MAGI2: variants seen among roughly 807,000 people sequenced by gnomAD.
MAGI2 encodes the protein membrane associated guanylate kinase, WW and PDZ domain containing 2.
A neutral mutation model predicts 133.3 loss-of-function variants in MAGI2; 35 were observed. The observed-to-expected ratio is 0.26, with a 90% CI of 0.20 to 0.35. The LOEUF is 0.35. Ranked by LOEUF, MAGI2 falls within the 10% of genes least tolerant of loss-of-function variation. The pLI, the probability that MAGI2 is intolerant of heterozygous loss-of-function variation, is 1.00. For missense variants in MAGI2, 1,636 were observed against 1,863.4 expected (o/e 0.88, Z 2.25); for synonymous variants, 729 against 710.6 (o/e 1.03, Z -0.41).
At chr7:78,163,311 T>C (rs1048203126) in intron 15 of MAGI2, among the ~76,000 whole-genome samples, 2 of 152,078 alleles carry the variant, frequency 1.3e-5, no homozygotes, top group African/African-American at 4.8e-5. Flanking sequence ...CTAATTTGTT[T>C]TGTACTTTTA....
chr7:79,244,251 T>A (rs1832651493), intron 1 of MAGI2, among the ~76,000 whole-genome samples: 1 of 152,152 alleles, frequency 6.6e-6, no homozygotes, highest in Non-Finnish European at 1.5e-5. Context: ...AACACCAAAT[T>A]GAACAACTAT....
At chr7:78,415,954 C>A (rs1798259031) in intron 6 of MAGI2, among the ~76,000 whole-genome samples, 1 of 152,032 alleles carries the variant, frequency 6.6e-6, no homozygotes, top group South Asian at 2.1e-4. Context: ...ATAGAAATTT[C>A]TGGGAGGCAA....
chr7:78,582,306 G>A (rs1022933905), intron 3 of MAGI2, among the ~76,000 whole-genome samples: 1 of 152,154 alleles, frequency 6.6e-6, no homozygotes, highest in African/African-American at 2.4e-5. Context: ...AAGGAGAATG[G>A]GAAACATCTG....
intron 1 of MAGI2, among the ~76,000 whole-genome samples, chr7:79,242,980 G>T (rs188504562): frequency 2.7e-3 from 415 of 152,156 alleles, no homozygotes; most frequent in Middle Eastern, 6.8e-3. Flanking sequence ...ACTTTGGGAG[G>T]CTGAGGTGGG....
intron 2 of MAGI2, among the ~76,000 whole-genome samples, chr7:78,915,714 C>CT (rs57733491): frequency 5.3e-5 from 8 of 149,850 alleles, no homozygotes; most frequent in Middle Eastern, 3.4e-3. Context: ...ATGGTTTCAT[C>CT]TTTTTTTTTC....
At chr7:78,923,495 G>C (rs936856565) in intron 2 of MAGI2, among the ~76,000 whole-genome samples, 4 of 152,178 alleles carry the variant, frequency 2.6e-5, no homozygotes, top group African/African-American at 7.2e-5. Flanking sequence ...TCAAAGATCA[G>C]ATAGTTGTAG....
intron 6 of MAGI2, among the ~76,000 whole-genome samples, chr7:78,465,948 T>G (rs1790580377): frequency 6.6e-6 from 1 of 152,204 alleles, no homozygotes. Context: ...GATAGATGAA[T>G]GTTCAGCACC....
chr7:78,402,468 T>C (rs1437370554), intron 6 of MAGI2, among the ~76,000 whole-genome samples: 1 of 152,140 alleles, frequency 6.6e-6, no homozygotes, highest in East Asian at 1.9e-4. Context: ...TGTGTGTGCA[T>C]GCACACCCAT....
intron 4 of MAGI2, chr7:78,518,114 A>G (rs1796191591): frequency 6.6e-6 from 1 of 152,174 alleles, no homozygotes; most frequent in Non-Finnish European, 1.5e-5. Context: ...GGTAGATTTA[A>G]TGCTTATACA....
At chr7:78,671,289 T>A (rs1163313180) in intron 2 of MAGI2, among the ~76,000 whole-genome samples, 1 of 152,080 alleles carries the variant, frequency 6.6e-6, no homozygotes, top group Admixed American at 6.6e-5. Context: ...CTCTTTTTTT[T>A]TTTTTTAAGA....
At chr7:78,474,717 T>G (rs996652671) in intron 6 of MAGI2, among the ~76,000 whole-genome samples, 1 of 151,910 alleles carries the variant, frequency 6.6e-6, no homozygotes, top group Non-Finnish European at 1.5e-5. Flanking sequence ...GACATAATCT[T>G]CTACCTGTAG....
intron 2 of MAGI2, among the ~76,000 whole-genome samples, chr7:78,879,839 A>G (rs1481756361): frequency 6.6e-6 from 1 of 152,124 alleles, no homozygotes; most frequent in Non-Finnish European, 1.5e-5. Context: ...GGAAACTTTT[A>G]ATCAATCCAG....
chr7:79,122,757 A>G (rs1392598414), intron 1 of MAGI2, among the ~76,000 whole-genome samples: 2 of 151,246 alleles, frequency 1.3e-5, no homozygotes, highest in Non-Finnish European at 2.9e-5. Flanking sequence ...CGATTCTTCC[A>G]CCTCAGCCAC....
At position 78,963,730 on chromosome 7, in the gene MAGI2, T is replaced by TA. The variant is rs530430484; in HGVS notation, c.418+43359dup. ...TATATATATTCTCCTTTTTTTTCCT[T>TA]AAAAAAAAAGTGTGCCCTGGTTTAT... On this transcript the variant is annotated intron_variant, in intron 2 of 21. Coordinates refer to ENST00000354212, the MANE Select transcript of MAGI2 (RefSeq NM_012301.4). Among the ~76,000 whole-genome samples, 55 of 150,804 alleles carry TA rather than the reference T, an allele frequency of 3.6e-4. No homozygotes were observed. In the South Asian group the frequency reaches 6.1e-3, roughly 17 times the overall value.
intron 3 of MAGI2, among the ~76,000 whole-genome samples, chr7:78,597,698 T>C (rs1804761849): frequency 6.6e-6 from 1 of 152,166 alleles, no homozygotes; most frequent in African/African-American, 2.4e-5. Flanking sequence ...CCCTGGGAAA[T>C]GGTCTCTTAA....
intron 1 of MAGI2, among the ~76,000 whole-genome samples, chr7:79,130,640 C>A (rs770690681): frequency 3.0e-4 from 46 of 152,110 alleles, no homozygotes; most frequent in Admixed American, 1.8e-3. Context: ...TAACAGTGCC[C>A]TACATCATTG....
At chr7:78,487,626 G>A (rs921399345) in intron 6 of MAGI2, among the ~76,000 whole-genome samples, 14 of 152,018 alleles carry the variant, frequency 9.2e-5, no homozygotes, top group African/African-American at 1.4e-4. Flanking sequence ...AACTCTGGTG[G>A]CCAAACACTC....
chr7:79,103,114 C>T (rs146465065), intron 1 of MAGI2, among the ~76,000 whole-genome samples: 11 of 152,316 alleles, frequency 7.2e-5, no homozygotes, highest in East Asian at 3.9e-4. Flanking sequence ...AAACTACATA[C>T]CTCCTACTGA....
chr7:78,605,125 T>A (rs1488464034), intron 3 of MAGI2, among the ~76,000 whole-genome samples: 1 of 152,170 alleles, frequency 6.6e-6, no homozygotes, highest in East Asian at 1.9e-4. Flanking sequence ...ATGTGAAAAC[T>A]GGAGTGGAGG....
Sources: gnomAD v4.1 joint callset for allele counts (sites outside exome capture counted in the v4.1 genomes callset) on GRCh38, gnomAD v4.1.1 for gene constraint, MANE v1.5 for transcripts, NCBI Gene and HGNC (gene_info 2026-07-23, HGNC 2026-07-21) for gene names.